The following NKAIN2 variants were observed in gnomAD, a reference collection of about 807,000 sequenced individuals.
The protein encoded by NKAIN2 is sodium/potassium-transporting ATPase subunit beta-1-interacting protein 2.
Under a neutral mutation model 32.6 loss-of-function variants are expected in NKAIN2, and 14 were observed. The ratio of observed to expected loss-of-function variants is 0.43; its 90% CI spans 0.28 to 0.67. The LOEUF (loss-of-function observed/expected upper bound fraction) is 0.67. Among genes scored for constraint, NKAIN2 ranks in the 30% least tolerant of loss-of-function variants. The pLI is 0.17. For synonymous variants in NKAIN2, 80 were observed against 87.2 expected (o/e 0.92, Z 0.46); for missense variants, 198 against 258.3 (o/e 0.77, Z 1.60).
chr6:124,015,855 A>G (rs957390686), intron 1 of NKAIN2, among the ~76,000 whole-genome samples: 9 of 152,176 alleles, frequency 5.9e-5, no homozygotes, highest in Non-Finnish European at 1.2e-4. Context: ...AGCACACTGA[A>G]CAGGGTGTTT....
At chr6:124,255,096 G>A (rs1312637550) in intron 1 of NKAIN2, among the ~76,000 whole-genome samples, 1 of 152,106 alleles carries the variant, frequency 6.6e-6, no homozygotes, top group Non-Finnish European at 1.5e-5. Flanking sequence ...TTTCCCTCCA[G>A]GGTGATAATT....
intron 1 of NKAIN2, among the ~76,000 whole-genome samples, chr6:123,860,641 GC>G (rs1270416928): frequency 6.6e-6 from 1 of 152,108 alleles, no homozygotes; most frequent in East Asian, 1.9e-4. Flanking sequence ...AAACTCCTGG[GC>G]CCAAGTATTC....
chr6:124,284,294 C>A (rs188141518), intron 2 of NKAIN2, among the ~76,000 whole-genome samples: 1 of 151,942 alleles, frequency 6.6e-6, no homozygotes, highest in Non-Finnish European at 1.5e-5. Flanking sequence ...CAGTGTAGGG[C>A]GGGTTGTACA....
chr6:123,941,608 A>G (rs1330325612), intron 1 of NKAIN2, among the ~76,000 whole-genome samples: 2 of 151,982 alleles, frequency 1.3e-5, no homozygotes, highest in African/African-American at 4.8e-5. Context: ...ATATAAATAT[A>G]TAAAGAAGGT....
intron 1 of NKAIN2, among the ~76,000 whole-genome samples, chr6:123,876,521 A>G (rs543925335): frequency 6.6e-6 from 1 of 152,304 alleles, no homozygotes; most frequent in African/African-American, 2.4e-5. Context: ...AAGTCCCACA[A>G]TTTGCTGTCT....
chr6:124,049,068 TCAAC>T (rs1212155795), intron 1 of NKAIN2, among the ~76,000 whole-genome samples: 1 of 152,070 alleles, frequency 6.6e-6, no homozygotes, highest in Non-Finnish European at 1.5e-5. Context: ...TTTATTATAG[TCAAC>T]ATTGATTTCT....
chr6:124,566,352 T>C (rs1156517973), intron 3 of NKAIN2, among the ~76,000 whole-genome samples: 1 of 152,218 alleles, frequency 6.6e-6, no homozygotes, highest in African/African-American at 2.4e-5. Flanking sequence ...CATTTGTTTG[T>C]ATCTCTGTCT....
chr6:124,748,275 C>A (rs1260860973), intron 4 of NKAIN2, among the ~76,000 whole-genome samples: 1 of 151,942 alleles, frequency 6.6e-6, no homozygotes, highest in Non-Finnish European at 1.5e-5. Flanking sequence ...ACTGGGAGTT[C>A]TGTAATGGGT....
At chr6:124,173,383 G>A (rs1243582666) in intron 1 of NKAIN2, among the ~76,000 whole-genome samples, 4 of 152,018 alleles carry the variant, frequency 2.6e-5, no homozygotes, top group African/African-American at 9.7e-5. Context: ...GTCTCTAACA[G>A]CTTTAAGCTT....
At chr6:124,538,400 G>A (rs1003917097) in intron 3 of NKAIN2, among the ~76,000 whole-genome samples, 4 of 151,972 alleles carry the variant, frequency 2.6e-5, no homozygotes, top group Non-Finnish European at 5.9e-5. Flanking sequence ...CTTGTTGCAC[G>A]TGAAAGAATC....
chr6:124,541,768 C>T (rs1268265101), intron 3 of NKAIN2, among the ~76,000 whole-genome samples: 1 of 152,158 alleles, frequency 6.6e-6, no homozygotes, highest in Non-Finnish European at 1.5e-5. Context: ...TGCTGGCATC[C>T]GTCTCCTTGG....
At chr6:124,067,307 A>T (rs1783237977) in intron 1 of NKAIN2, among the ~76,000 whole-genome samples, 2 of 152,142 alleles carry the variant, frequency 1.3e-5, no homozygotes, top group South Asian at 4.1e-4. Context: ...GGGAAGCATG[A>T]TATCTCATCA....
chr6:124,383,812 G>A (rs1772760781), intron 3 of NKAIN2, among the ~76,000 whole-genome samples: 2 of 151,976 alleles, frequency 1.3e-5, no homozygotes, highest in South Asian at 2.1e-4. Flanking sequence ...TGTTTTCATT[G>A]TTCTGTATTC....
At chr6:124,160,226 T>C (rs1788202090) in intron 1 of NKAIN2, among the ~76,000 whole-genome samples, 1 of 152,178 alleles carries the variant, frequency 6.6e-6, no homozygotes, top group African/African-American at 2.4e-5. Flanking sequence ...CCTCGCTTTA[T>C]CTATACAGCA....
chr6:124,100,378 A>G (rs1402127887), intron 1 of NKAIN2, among the ~76,000 whole-genome samples: 1 of 152,350 alleles, frequency 6.6e-6, no homozygotes, highest in Non-Finnish European at 1.5e-5. Flanking sequence ...ATACACAGAT[A>G]TGATTTTTCT....
At chr6:124,530,297 TA>T (rs1191188387) in intron 3 of NKAIN2, among the ~76,000 whole-genome samples, 4 of 152,190 alleles carry the variant, frequency 2.6e-5, no homozygotes, top group African/African-American at 9.7e-5. Flanking sequence ...CCAACATTAT[TA>T]AGAAAATCAT....
In NKAIN2 at chr6:124,015,416, A is replaced by G. The variant is rs569240980; in HGVS notation, c.54+211162A>G. ...TATTGATTTTTCTGATAGTTTCTGT[A>G]GGGCTTCTGAATTTTAATTCTTCAT... On this transcript the variant is annotated intron_variant, in intron 1 of 6. Coordinates refer to ENST00000368417, the MANE Select transcript of NKAIN2 (RefSeq NM_001040214.3). 6.6e-5 allele frequency among the ~76,000 whole-genome samples: 10 copies of G among 152,274 alleles called. No individual in the cohort carries two copies. In the South Asian group the frequency reaches 2.1e-3, roughly 32 times the overall value.
intron 3 of NKAIN2, among the ~76,000 whole-genome samples, chr6:124,566,382 G>A (rs1389027968): frequency 6.6e-6 from 1 of 152,110 alleles, no homozygotes; most frequent in African/African-American, 2.4e-5. Context: ...GCTGTGAGTA[G>A]AGGTGATGTC....
intron 3 of NKAIN2, among the ~76,000 whole-genome samples, chr6:124,384,417 C>T (rs1772795582): frequency 6.6e-6 from 1 of 152,132 alleles, no homozygotes; most frequent in South Asian, 2.1e-4. Context: ...ATATCATCTT[C>T]ACCAAGAATA....
Sources: allele counts gnomAD v4.1 joint callset (sites outside exome capture counted in the v4.1 genomes callset), GRCh38; gene constraint gnomAD v4.1.1; transcripts MANE v1.5; gene names NCBI Gene and HGNC (gene_info 2026-07-23, HGNC 2026-07-21).